The following KCTD19 variants were observed in gnomAD, a reference collection of about 807,000 sequenced individuals.
KCTD19 encodes the protein BTB/POZ domain-containing protein KCTD19.
A neutral mutation model predicts 103.5 loss-of-function variants in KCTD19; 67 were observed. The ratio of observed to expected loss-of-function variants is 0.65; its 90% confidence interval spans 0.53 to 0.79. The LOEUF (loss-of-function observed/expected upper bound fraction) is 0.79, where lower values mean the gene tolerates loss of function less well. Among genes scored for constraint, KCTD19 ranks in the 30% least tolerant of loss-of-function variants. The pLI is 0.00. For missense variants in KCTD19, 980 were observed against 1,136.1 expected (o/e 0.86, Z 1.98); for synonymous variants, 439 against 452.2 (o/e 0.97, Z 0.37).
At position 67,296,617 on chromosome 16, in the gene KCTD19, C is replaced by G. The variant is rs57038124; in HGVS notation, c.1148-358G>C. On this transcript the variant is annotated intron_variant, in intron 7 of 15. Coordinates refer to ENST00000304372, the MANE Select transcript of KCTD19 (RefSeq NM_001100915.3). ...TCAGACTGAAGCTAGGAATCTCTCTCTGTGTGTTTATGTTCGTGGTTTGGC... is the reference window on the plus strand; with the variant it reads ...TCAGACTGAAGCTAGGAATCTCTCTGTGTGTGTTTATGTTCGTGGTTTGGC... 8.7e-4 allele frequency among the ~76,000 whole-genome samples: 133 copies of G among 152,306 alleles called. 1 individual carries two copies. The highest frequency in any genetic ancestry group is 8.1e-3 in the East Asian group (42 of 5,178).
rs372562104 is a variant in KCTD19, at chr16:67,294,781, G to C, written c.1476-87C>G. ...GGTCAGATCTGCTCTTTGGCTGGGA[G>C]TTAATGCTAGACAGCAGGGAAGAAG... is the stretch of plus-strand genomic sequence containing the variant. On this transcript the variant is annotated intron_variant, in intron 10 of 15. Coordinates refer to ENST00000304372, the MANE Select transcript of KCTD19 (RefSeq NM_001100915.3). 5.0e-5 allele frequency: 53 copies of C among 1,067,212 alleles called. 1 individual carries two copies. The South Asian group carries it at 6.6e-4, about 13-fold the overall frequency. The allele number at this position is 1,067,212 out of a possible 1,614,324, so 66.1% of individuals were successfully genotyped here.
In KCTD19 at chr16:67,323,064, C is replaced by T. The variant is rs2037093326; in HGVS notation, c.4-2179G>A. On this transcript the variant is annotated intron_variant, in intron 1 of 15. Transcript: ENST00000304372. This position sits in a 1 kb window ranked among gnomAD's most constrained non-coding sequence, Gnocchi z 4.1. The stretch of plus-strand genomic sequence containing the variant: ...GAAAACAATAGGTAATAACAAGTGT[C>T]GACAAAGAAACCAGAACCCCCATGC... Among the ~76,000 whole-genome samples, 1 of 152,082 alleles carries T rather than the reference C, an allele frequency of 6.6e-6. No individual in the cohort carries two copies. The highest frequency in any genetic ancestry group is 2.4e-5 in the African/African-American group (1 of 41,406).
At chr16:67,312,096 G>A (rs1003787098) in intron 2 of KCTD19, among the ~76,000 whole-genome samples, 1 of 152,212 alleles carries the variant, frequency 6.6e-6, no homozygotes, top group Non-Finnish European at 1.5e-5. Context: ...GTAGCAGAAT[G>A]CTCACAAGTG....
Position 67,301,891 on chromosome 16 carries a change from T to G in KCTD19, c.675A>C (p.Leu225=). 1.2e-6 allele frequency: 2 copies of G among 1,613,458 alleles called. No homozygotes were observed. Among genetic ancestry groups the G allele is most frequent in the Non-Finnish European group, 1.7e-6 (2 of 1,179,398 alleles). ...VNFLRSQKIL[L]PDNFSNIDVL... is the part of the protein sequence containing the mutation. ...CATCAATGTTGGAGAAATTATCCGG[T>G]AGTAAAATCTTCTGTGAGCGAAGAA... Residue 225 remains leucine, a synonymous_variant, in exon 5 of 16, where the codon CTA becomes CTC. Transcript: ENST00000304372.
chr16:67,304,792 T>C (rs1182874305), intron 2 of KCTD19, among the ~76,000 whole-genome samples: 3 of 151,868 alleles, frequency 2.0e-5, no homozygotes, highest in Non-Finnish European at 4.4e-5. Flanking sequence ...GCCTCTCGAG[T>C]AGCTGGGATT....
intron 7 of KCTD19, among the ~76,000 whole-genome samples, chr16:67,296,973 A>G (rs2036772000): frequency 6.6e-6 from 1 of 152,224 alleles, no homozygotes; most frequent in Admixed American, 6.5e-5. Context: ...CCGGTACTCA[A>G]TAAATGTTGG....
At chr16:67,292,622 C>G (rs2036712837) in intron 12 of KCTD19, among the ~76,000 whole-genome samples, 1 of 152,144 alleles carries the variant, frequency 6.6e-6, no homozygotes, top group African/African-American at 2.4e-5. Context: ...AGGGCTGGAG[C>G]CACTAATAGG....
chr16:67,308,634 A>G (rs1376410951), intron 2 of KCTD19, among the ~76,000 whole-genome samples: 1 of 152,044 alleles, frequency 6.6e-6, no homozygotes, highest in East Asian at 1.9e-4. Context: ...CTCTTCCTGA[A>G]GAGCCTGGAG....
chr16:67,319,342 C>T (rs1314479808), intron 2 of KCTD19, among the ~76,000 whole-genome samples: 1 of 152,068 alleles, frequency 6.6e-6, no homozygotes, highest in Non-Finnish European at 1.5e-5. Flanking sequence ...GTTCTCATTC[C>T]TCTATGGCCC....
chr16:67,309,955 A>G (rs1196958452), intron 2 of KCTD19, among the ~76,000 whole-genome samples: 1 of 152,218 alleles, frequency 6.6e-6, no homozygotes, highest in Non-Finnish European at 1.5e-5. Flanking sequence ...AAATCTTAAA[A>G]AAGAGAAAAA....
intron 10 of KCTD19, 49 bp from the exon 11 acceptor site, chr16:67,294,743 C>A (rs1481905953): frequency 3.0e-6 from 4 of 1,339,084 alleles, no homozygotes; most frequent in Non-Finnish European, 4.3e-6. Context: ...TTCCATCAGG[C>A]CATTGGCCAG....
chr16:67,293,911 G>T lies in KCTD19; in HGVS notation c.1851C>A (p.Asn617Lys). 1 of 1,614,174 alleles carries T rather than the reference G, an allele frequency of 6.2e-7. No individual in the cohort carries two copies. The highest frequency in any genetic ancestry group is 8.5e-7 in the Non-Finnish European group (1 of 1,180,038). The stretch of plus-strand genomic sequence containing the variant: ...CTTTGGTTTCAGATTTCTGTGTGAG[G>T]TTGATTGTGGTGCATTTCTTCTTTG... ...SPPKKKCTTI[N>K]LTQKSETKDP... is the part of the protein sequence containing the mutation. The change falls in exon 12 of 16, where the codon AAC (asparagine) becomes AAA (lysine). Residue 617 changes from asparagine (N) to lysine (K), a missense_variant. Asn to Lys is a moderately conservative substitution (Grantham distance 94). Coordinates refer to ENST00000304372, the MANE Select transcript of KCTD19 (RefSeq NM_001100915.3). The surrounding 1 kb of genome is among the most constrained non-coding windows in gnomAD (Gnocchi z 4.0).
chr16:67,301,987 G>A (rs1166933056), intron 4 of KCTD19, 65 bp from the exon 5 acceptor site: 21 of 1,516,808 alleles, frequency 1.4e-5, no homozygotes, highest in East Asian at 2.3e-5. Flanking sequence ...GTAGGTCCTG[G>A]TTTTGGCAGG....
At chr16:67,306,882 A>G (rs528034389) in intron 2 of KCTD19, among the ~76,000 whole-genome samples, 3 of 152,260 alleles carry the variant, frequency 2.0e-5, no homozygotes, top group East Asian at 1.9e-4. Context: ...AATCCTTCCA[A>G]TCTTCCCCTG....
chr16:67,314,830 T>TAGAGAGAG (rs71145965), intron 2 of KCTD19, among the ~76,000 whole-genome samples: 29 of 33,648 alleles, frequency 8.6e-4, no homozygotes, highest in African/African-American at 2.1e-3. Flanking sequence ...TATATATATA[T>TAGAGAGAG]AGAGAGAGAG....
At chr16:67,321,405 T>C (rs960470153) in intron 1 of KCTD19, among the ~76,000 whole-genome samples, 3 of 152,166 alleles carry the variant, frequency 2.0e-5, no homozygotes, top group Non-Finnish European at 4.4e-5. Flanking sequence ...CAAAACATTG[T>C]TGAAAATTTA....
rs763596193 is a variant in KCTD19, at chr16:67,293,752, G to A, written c.2010C>T (p.Leu670=). ...SSPLEEATLQ[L]PLGSEAASQP... is the part of the protein sequence containing the mutation. ...GGGAAGCAGCCTCGCTTCCCAAGGGGAGCTGCAGGGTGGCCTCCTCCAAGG... is the reference window on the plus strand; with the variant it reads ...GGGAAGCAGCCTCGCTTCCCAAGGGAAGCTGCAGGGTGGCCTCCTCCAAGG... Residue 670 remains leucine (L), a synonymous_variant, in exon 12 of 16, where the codon CTC becomes CTT. Transcript: ENST00000304372. This position sits in a 1 kb window ranked among gnomAD's most constrained non-coding sequence, Gnocchi z 4.0. The A allele has an allele frequency of 2.7e-5, 44 of 1,613,898 alleles. No homozygotes were observed. Among genetic ancestry groups the A allele is most frequent in the Non-Finnish European group, 3.5e-5 (41 of 1,180,038 alleles).
intron 4 of KCTD19, 154 bp from the exon 5 acceptor site, chr16:67,302,076 G>A (rs1055874991): frequency 4.5e-6 from 3 of 668,054 alleles, no homozygotes; most frequent in African/African-American, 1.8e-5. Flanking sequence ...TTAGCTTTGA[G>A]TGTGTGGTTT....
chr16:67,302,023 G>T, intron 4 of KCTD19, 101 bp from the exon 5 acceptor site: 1 of 1,047,120 alleles, frequency 9.5e-7, no homozygotes, highest in Admixed American at 1.9e-5. Flanking sequence ...CTTATCCTAG[G>T]TTCTCCTTGT....
Sources: gnomAD v4.1 joint callset for allele counts (sites outside exome capture counted in the v4.1 genomes callset) on GRCh38, gnomAD v4.1.1 for gene constraint, Gnocchi (gnomAD v3.1) non-coding constraint, MANE v1.5 for transcripts, NCBI Gene and HGNC (gene_info 2026-07-23, HGNC 2026-07-21) for gene names.